ANKRD30B: variants seen among roughly 807,000 people sequenced by gnomAD.
The protein encoded by ANKRD30B is ankyrin repeat domain 30B.
A neutral mutation model predicts 202.2 loss-of-function variants in ANKRD30B; 144 were observed. The ratio of observed to expected loss-of-function variants is 0.71; its 90% confidence interval spans 0.62 to 0.82. The LOEUF (loss-of-function observed/expected upper bound fraction) is 0.82. Ranked by LOEUF, ANKRD30B falls within the 40% of genes least tolerant of loss-of-function variation. The pLI is 0.00. For synonymous variants in ANKRD30B, 508 were observed against 561.3 expected (o/e 0.91, Z 1.34); for missense variants, 1,487 against 1,669.1 (o/e 0.89, Z 1.90).
At chr18:14,930,781 G>T in the ANKRD30B span, among the ~76,000 whole-genome samples, 1 of 152,178 alleles carries the variant, frequency 6.6e-6, no homozygotes, top group South Asian at 2.1e-4. Context: ...ATGCATCCTC[G>T]TGGCTCTGCT....
At chr18:14,861,264 C>T in the ANKRD30B span, among the ~76,000 whole-genome samples, 2 of 152,020 alleles carry the variant, frequency 1.3e-5, no homozygotes, top group South Asian at 4.2e-4. Context: ...GGAAGAAAAC[C>T]TAACACATCA....
chr18:14,791,183 G>T (rs1394929165), intron 15 of ANKRD30B, among the ~76,000 whole-genome samples: 1 of 152,092 alleles, frequency 6.6e-6, no homozygotes, highest in Non-Finnish European at 1.5e-5. Flanking sequence ...TTGTGTAGAG[G>T]TGTTTATAGT....
At chr18:14,901,023 A>G in the ANKRD30B span, among the ~76,000 whole-genome samples, 15 of 152,348 alleles carry the variant, frequency 9.8e-5, no homozygotes, top group Non-Finnish European at 1.9e-4. Context: ...TGCATTCTTC[A>G]TAAAATGTAC....
intron 24 of ANKRD30B, 94 bp from the exon 25 acceptor site, chr18:14,808,457 A>C: frequency 1.6e-6 from 2 of 1,280,488 alleles, no homozygotes; most frequent in South Asian, 1.2e-5. Context: ...CAATCCAAGC[A>C]TGAGGACTCA....
intron 12 of ANKRD30B, 74 bp from the exon 13 acceptor site, chr18:14,784,262 A>G (rs1967934942): frequency 2.8e-6 from 4 of 1,431,702 alleles, no homozygotes; most frequent in Admixed American, 3.5e-5. Flanking sequence ...TCAGTTAGAT[A>G]CTATCACTGC....
chr18:14,777,519 A>G (rs1967435137), intron 9 of ANKRD30B, among the ~76,000 whole-genome samples: 1 of 151,844 alleles, frequency 6.6e-6, no homozygotes, highest in Non-Finnish European at 1.5e-5. Flanking sequence ...GGTAGTCTCG[A>G]TCTCTTGACC....
At chr18:14,804,576 A>G (rs1969380844) in intron 24 of ANKRD30B, among the ~76,000 whole-genome samples, 1 of 150,760 alleles carries the variant, frequency 6.6e-6, no homozygotes, top group Non-Finnish European at 1.5e-5. Flanking sequence ...CCTTGCTCTG[A>G]GTAGCAAGAT....
intron 5 of ANKRD30B, among the ~76,000 whole-genome samples, chr18:14,758,568 A>C (rs1157796409): frequency 1.3e-5 from 2 of 152,174 alleles, no homozygotes; most frequent in Non-Finnish European, 2.9e-5. Flanking sequence ...GTTCACATAC[A>C]TATTCTCAGC....
intron 36 of ANKRD30B, among the ~76,000 whole-genome samples, chr18:14,838,346 A>C (rs1472259142): frequency 1.3e-5 from 2 of 152,226 alleles, no homozygotes; most frequent in Non-Finnish European, 2.9e-5. Context: ...GTCTTACTCA[A>C]CTTGGAACTT....
rs1204808946 is a variant in ANKRD30B, at chr18:14,797,916, A to G, written c.2029+62A>G. On this transcript the variant is annotated intron_variant, in intron 20 of 43. Transcript: ENST00000690538. Reference sequence around the variant, plus strand: ...GAATATTAAACTATTTGAAATGCCAAGAGCCTTTTATTCCCAATGTTGTTT... The same window carrying G: ...GAATATTAAACTATTTGAAATGCCAGGAGCCTTTTATTCCCAATGTTGTTT... 6 of 1,332,922 alleles carry G rather than the reference A, an allele frequency of 4.5e-6. No homozygotes were observed. The East Asian group carries it at 1.3e-4, about 28-fold the overall frequency. 82.6% of individuals were successfully genotyped at this position (1,332,922 alleles called of 1,614,324 possible). A position where few individuals can be genotyped will look rare whatever the true frequency, so the allele number is the denominator to read the frequency against.
chr18:14,893,385 CG>C, the ANKRD30B span, among the ~76,000 whole-genome samples: 1 of 152,074 alleles, frequency 6.6e-6, no homozygotes, highest in South Asian at 2.1e-4. Flanking sequence ...CCAACGCAGG[CG>C]GATCACCTGA....
chr18:14,872,386 T>A, the ANKRD30B span, among the ~76,000 whole-genome samples: 47 of 152,322 alleles, frequency 3.1e-4, no homozygotes, highest in Admixed American at 7.8e-4. Flanking sequence ...ACTAAAAATC[T>A]CTCATCTTTG....
chr18:14,876,492 C>A, the ANKRD30B span, among the ~76,000 whole-genome samples: 2,988 of 152,300 alleles, frequency 0.02, 50 homozygotes, highest in Non-Finnish European at 0.031. Flanking sequence ...ACTTAGGATT[C>A]TGCTCCTGAT....
At chr18:14,839,850 T>C (rs1009638268) in intron 36 of ANKRD30B, among the ~76,000 whole-genome samples, 5 of 152,230 alleles carry the variant, frequency 3.3e-5, no homozygotes, top group Middle Eastern at 3.2e-3. Flanking sequence ...GAAAATTCTC[T>C]TCATGCCATG....
At chr18:14,922,251 T>C in the ANKRD30B span, among the ~76,000 whole-genome samples, 2 of 152,046 alleles carry the variant, frequency 1.3e-5, no homozygotes, top group East Asian at 3.9e-4. Context: ...GAGGGAGCAT[T>C]TACACCAGCC....
intron 16 of ANKRD30B, among the ~76,000 whole-genome samples, chr18:14,793,401 T>C (rs182717370): frequency 6.4e-4 from 97 of 152,300 alleles, no homozygotes; most frequent in East Asian, 3.1e-3. Context: ...TAGCATTCTA[T>C]GTTCAGCTTT....
the ANKRD30B span, among the ~76,000 whole-genome samples, chr18:14,875,974 T>C: frequency 1.3e-5 from 2 of 152,186 alleles, no homozygotes; most frequent in Non-Finnish European, 2.9e-5. Flanking sequence ...TGCCTTTTCA[T>C]GTCCCATGGT....
chr18:14,816,002 G>C (rs1970081209), intron 30 of ANKRD30B: 1 of 152,166 alleles, frequency 6.6e-6, no homozygotes, highest in East Asian at 1.9e-4. Flanking sequence ...TCACTGCTGA[G>C]ATGTCAGTTC....
At position 14,852,309 on chromosome 18, in the gene ANKRD30B, T is replaced by C. The variant is rs1416159633; in HGVS notation, c.4365T>C (p.Pro1455=). ...AGGTAACAATTAATATTCAGTTTCC[T>C]GAGATGAAAATGCAACGTCATCTAA... ...KSKVTINIQF[P]EMKMQRHLNE... The change falls in exon 42 of 44, where the codon CCT becomes CCC. Residue 1455 remains proline, a synonymous_variant. Coordinates refer to ENST00000690538, the MANE Select transcript of ANKRD30B (RefSeq NM_001367607.2). 5.8e-6 allele frequency: 9 copies of C among 1,544,016 alleles called. No individual in the cohort carries two copies. The highest frequency in any genetic ancestry group is 7.0e-6 in the Non-Finnish European group (8 of 1,144,806).
Sources: gnomAD v4.1 joint callset for allele counts (sites outside exome capture counted in the v4.1 genomes callset) on GRCh38, gnomAD v4.1.1 for gene constraint, MANE v1.5 for transcripts, NCBI Gene and HGNC (gene_info 2026-07-23, HGNC 2026-07-21) for gene names.